Variants in IDE observed in about 807,000 individuals in gnomAD.
IDE encodes the protein insulin degrading enzyme.
A neutral mutation model predicts 133.2 loss-of-function variants in IDE; 58 were observed. That is an observed-to-expected ratio of 0.44 (90% CI 0.35 to 0.54). The LOEUF (loss-of-function observed/expected upper bound fraction) is 0.54, where lower values mean the gene tolerates loss of function less well. IDE is among the 20% of genes least tolerant of loss of function. IDE has a pLI of 0.00. For synonymous variants in IDE, 396 were observed against 421.3 expected, an observed-to-expected ratio of 0.94 and a Z score of 0.73; for missense variants, 981 against 1,234.0, an observed-to-expected ratio of 0.79 and a Z score of 3.07.
At chr10:92,510,205 T>C (rs1848510100) in intron 5 of IDE, 43 bp from the exon 6 acceptor site, 1 of 1,028,076 alleles carries the variant, frequency 9.7e-7, no homozygotes, top group East Asian at 2.4e-5. Context: ...AAGCGAATCA[T>C]AACATCCAAC....
At chr10:92,552,857 C>CAA (rs71028827) in intron 1 of IDE, among the ~76,000 whole-genome samples, 5,287 of 49,286 alleles carry the variant, frequency 0.11, 510 homozygotes, top group African/African-American at 0.12. Context: ...GACTCAGTCT[C>CAA]AAAAAAAAAA....
chr10:92,534,709 T>C lies in IDE; in HGVS notation c.360A>G (p.Lys120=), dbSNP rs1167855137. Residue 120 remains lysine (K), a synonymous_variant, in exon 3 of 25, where the codon AAA becomes AAG. Coordinates refer to ENST00000265986, the MANE Select transcript of IDE (RefSeq NM_004969.4). Reference sequence around the variant, plus strand: ...GGCTGTATTCATTTTCTTTAGGGTATTTCTTTGTTCCCAAAAAAAGCATAT... The same window carrying C: ...GGCTGTATTCATTTTCTTTAGGGTACTTCTTTGTTCCCAAAAAAAGCATAT... ...CEHMLFLGTK[K]YPKENEYSQF... 2 of 1,613,782 alleles carry C rather than the reference T, an allele frequency of 1.2e-6. No individual in the cohort carries two copies. Among genetic ancestry groups the C allele is most frequent in the African/African-American group, 1.3e-5 (1 of 74,918 alleles).
intron 1 of IDE, among the ~76,000 whole-genome samples, chr10:92,569,646 A>C (rs566365018): frequency 5.3e-5 from 8 of 152,322 alleles, no homozygotes; most frequent in Middle Eastern, 3.4e-3. Context: ...TTTCAAGCTA[A>C]ACTGAAAAAA....
chr10:92,487,852 A>G (rs1334082453), intron 12 of IDE, among the ~76,000 whole-genome samples: 1 of 152,110 alleles, frequency 6.6e-6, no homozygotes, highest in Non-Finnish European at 1.5e-5. Context: ...GCTGGAGTGC[A>G]GTGGCATGAT....
intron 1 of IDE, among the ~76,000 whole-genome samples, chr10:92,557,640 AG>A (rs1276264544): frequency 6.6e-6 from 1 of 152,166 alleles, no homozygotes; most frequent in African/African-American, 2.4e-5. Context: ...TTGTAATCCC[AG>A]CACTTTGGGA....
intron 4 of IDE, among the ~76,000 whole-genome samples, chr10:92,523,097 A>T (rs1180022158): frequency 6.6e-6 from 1 of 152,152 alleles, no homozygotes. Context: ...GCTCATTTAT[A>T]TTTATAATCC....
chr10:92,454,747 T>C (rs914179564), intron 24 of IDE, among the ~76,000 whole-genome samples: 3 of 152,164 alleles, frequency 2.0e-5, no homozygotes, highest in Non-Finnish European at 2.9e-5. Context: ...GGGTCGTGAA[T>C]TGGTCTGTAC....
chr10:92,491,550 C>T (rs1847342225), intron 11 of IDE, among the ~76,000 whole-genome samples: 1 of 152,086 alleles, frequency 6.6e-6, no homozygotes, highest in Non-Finnish European at 1.5e-5. Flanking sequence ...AACTCTCCTG[C>T]CTCAGCCTCC....
chr10:92,542,342 A>G (rs552142462), intron 1 of IDE, among the ~76,000 whole-genome samples: 4 of 152,294 alleles, frequency 2.6e-5, no homozygotes, highest in African/African-American at 9.6e-5. Flanking sequence ...TGTTTTATAG[A>G]CAGGGTTTCG....
intron 1 of IDE, among the ~76,000 whole-genome samples, chr10:92,552,857 C>CAAAAAAAAAAAAAAATAAAAAA (rs1842847275): frequency 2.0e-5 from 1 of 49,380 alleles, no homozygotes; most frequent in African/African-American, 1.1e-4. Flanking sequence ...GACTCAGTCT[C>CAAAAAAAAAAAAAAATAAAAAA]AAAAAAAAAA....
At chr10:92,485,169 C>T (rs1235587458) in intron 13 of IDE, among the ~76,000 whole-genome samples, 1 of 141,550 alleles carries the variant, frequency 7.1e-6, no homozygotes, top group East Asian at 2.0e-4. Flanking sequence ...CTCTTGTTAC[C>T]CAGGCTGGAG....
chr10:92,546,620 A>G (rs1842543661), intron 1 of IDE, among the ~76,000 whole-genome samples: 2 of 152,222 alleles, frequency 1.3e-5, no homozygotes, highest in South Asian at 4.1e-4. Context: ...TATTTCAATT[A>G]TTTCTGTTGA....
At chr10:92,480,281 T>C (rs965742066) in intron 14 of IDE, among the ~76,000 whole-genome samples, 1 of 152,338 alleles carries the variant, frequency 6.6e-6, no homozygotes. Context: ...ATTCAACAAA[T>C]ATGTATTATA....
chr10:92,465,034 C>T (rs1845599764), intron 20 of IDE, among the ~76,000 whole-genome samples: 1 of 152,224 alleles, frequency 6.6e-6, no homozygotes, highest in Non-Finnish European at 1.5e-5. Context: ...TACAGGCCTG[C>T]CATCCTGATT....
chr10:92,513,607 A>G (rs7910569), intron 5 of IDE, among the ~76,000 whole-genome samples: 1 of 150,798 alleles, frequency 6.6e-6, no homozygotes, highest in Admixed American at 6.6e-5. Context: ...TTTCTCTTTA[A>G]TATATTAAGA....
chr10:92,477,564 GA>G (rs760351641), intron 15 of IDE, among the ~76,000 whole-genome samples: 2 of 152,192 alleles, frequency 1.3e-5, no homozygotes, highest in Non-Finnish European at 2.9e-5. Context: ...AGCAGTAGGG[GA>G]TATCACTGCA....
Position 92,470,337 on chromosome 10 carries a change from G to C in IDE, c.2125C>G (p.Leu709Val), listed in dbSNP as rs2135372548. The change falls in exon 18 of 25, where the codon CTT becomes GTT. Residue 709 changes from leucine (L) to valine (V), a missense_variant. Around this residue, in one of 2 missense-constraint regions of IDE, gnomAD observed 660 missense variants for 894.7 expected, o/e 0.74. Transcript: ENST00000265986. The stretch of plus-strand genomic sequence containing the variant: ...GGTATGAAGGCCTTAAGGCGAGGAA[G>C]GGTTACATCTGCAAAGGTGTAAGAA... Reference protein sequence around the residue: ...ELKEALDDVTLPRLKAFIPQL... With the variant: ...ELKEALDDVTVPRLKAFIPQL... 1 of 1,600,324 alleles carries C rather than the reference G, an allele frequency of 6.2e-7. No homozygotes were observed. The highest frequency in any genetic ancestry group is 1.3e-5 in the African/African-American group (1 of 74,646).
At chr10:92,458,484 CTCTCTGTT>C (rs1845152269) in intron 22 of IDE, among the ~76,000 whole-genome samples, 1 of 141,174 alleles carries the variant, frequency 7.1e-6, no homozygotes, top group Non-Finnish European at 1.5e-5. Context: ...TATAAATACT[CTCTCTGTT>C]TTTTTTTTTT....
At chr10:92,464,096 A>G in intron 20 of IDE, 93 bp from the exon 21 acceptor site, 1 of 1,319,884 alleles carries the variant, frequency 7.6e-7, no homozygotes, top group African/African-American at 1.5e-5. Context: ...AGCAAATAAA[A>G]TCTAGTTTAA....
Sources: gnomAD v4.1 joint callset for allele counts (sites outside exome capture counted in the v4.1 genomes callset) on GRCh38, gnomAD v4.1.1 for gene constraint, gnomAD v4.1.1 regional missense constraint, MANE v1.5 for transcripts, NCBI Gene and HGNC (gene_info 2026-07-23, HGNC 2026-07-21) for gene names.